The following ZNF644 variants were observed in gnomAD, a reference collection of about 807,000 sequenced individuals.
The protein encoded by ZNF644 is zinc finger motif enhancer binding protein 2.
ZNF644 carries 20 observed loss-of-function variants against 108.0 expected under a neutral mutation model. That is an observed-to-expected ratio of 0.19 (90% CI 0.13 to 0.27). The LOEUF (loss-of-function observed/expected upper bound fraction) is 0.27. Among genes scored for constraint, ZNF644 ranks in the 10% least tolerant of loss-of-function variants. The pLI is 1.00. For synonymous variants in ZNF644, 542 were observed against 539.1 expected (o/e 1.01, Z -0.08); for missense variants, 1,338 against 1,548.9 (o/e 0.86, Z 2.29).
chr1:90,982,295 C>G lies in ZNF644; in HGVS notation c.44+15G>C. On this transcript the variant is annotated intron_variant, in intron 2 of 5. Coordinates refer to ENST00000337393, the MANE Select transcript of ZNF644 (RefSeq NM_201269.3). Reference sequence around the variant, plus strand: ...ACCTTGATATGTACATTTAACAAAGCAGTCTTCTACTTACCTAGATTTTGT... The same window carrying G: ...ACCTTGATATGTACATTTAACAAAGGAGTCTTCTACTTACCTAGATTTTGT... 1 of 1,601,290 alleles carries G rather than the reference C, an allele frequency of 6.2e-7. No homozygotes were observed. Among genetic ancestry groups the G allele is most frequent in the Non-Finnish European group, 8.5e-7 (1 of 1,171,456 alleles).
At chr1:90,929,068 T>C (rs1227772817) in intron 4 of ZNF644, among the ~76,000 whole-genome samples, 1 of 152,220 alleles carries the variant, frequency 6.6e-6, no homozygotes, top group Non-Finnish European at 1.5e-5. Context: ...TGTTGTTCTC[T>C]TGCATTTAAA....
chr1:90,940,197 G>A lies in ZNF644; in HGVS notation c.1157C>T (p.Thr386Ile). ...ACTCTCTTCACATTTCTTTTTTAAG[G>A]TATTTGAAAGAAAAGTGCTAGTATG... ...PVHTSTFLSNTLKKKCEESDS... is the reference protein window; with the variant it reads ...PVHTSTFLSNILKKKCEESDS... Residue 386 changes from threonine (T) to isoleucine (I), a missense_variant, in exon 3 of 6, where the codon ACC becomes ATC. Thr to Ile is a moderately conservative substitution (Grantham distance 89). Around this residue, in one of 6 missense-constraint regions of ZNF644, gnomAD observed 464 missense variants for 457.9 expected, o/e 1.01. Coordinates refer to ENST00000337393, the MANE Select transcript of ZNF644 (RefSeq NM_201269.3). 3 of 1,613,906 alleles carry A rather than the reference G, an allele frequency of 1.9e-6. No homozygotes were observed. Among genetic ancestry groups the A allele is most frequent in the Non-Finnish European group, 2.5e-6 (3 of 1,179,930 alleles).
intron 4 of ZNF644, among the ~76,000 whole-genome samples, chr1:90,930,769 A>G (rs1023073354): frequency 1.3e-5 from 2 of 152,236 alleles, no homozygotes; most frequent in Admixed American, 6.5e-5. Context: ...CTCAATTAAA[A>G]TGCTGACTGC....
intron 2 of ZNF644, among the ~76,000 whole-genome samples, chr1:90,944,306 C>G (rs138467617): frequency 2.1e-4 from 32 of 152,176 alleles, no homozygotes; most frequent in Admixed American, 2.0e-3. Flanking sequence ...TTTATAAGAG[C>G]TTTTCATAAG....
intron 2 of ZNF644, among the ~76,000 whole-genome samples, chr1:90,981,656 T>C (rs1656564807): frequency 6.6e-6 from 1 of 152,052 alleles, no homozygotes; most frequent in South Asian, 2.1e-4. Context: ...TGTCAACGGC[T>C]TATATTATTA....
intron 4 of ZNF644, among the ~76,000 whole-genome samples, chr1:90,930,506 C>G (rs1650610103): frequency 6.6e-6 from 1 of 152,080 alleles, no homozygotes; most frequent in Non-Finnish European, 1.5e-5. Context: ...GTTATGACAT[C>G]TAAGATACTA....
intron 2 of ZNF644, among the ~76,000 whole-genome samples, chr1:90,950,058 G>C (rs1652924560): frequency 6.6e-6 from 1 of 151,398 alleles, no homozygotes; most frequent in Non-Finnish European, 1.5e-5. Flanking sequence ...TGGGCAGATT[G>C]CCTGAGCTCA....
intron 4 of ZNF644, among the ~76,000 whole-genome samples, chr1:90,928,122 C>T (rs542161082): frequency 6.6e-5 from 10 of 151,124 alleles, no homozygotes; most frequent in African/African-American, 2.4e-4. Context: ...CTTGGGATTA[C>T]AGGTGTTAGC....
At chr1:91,010,834 G>C (rs564653424) in intron 1 of ZNF644, among the ~76,000 whole-genome samples, 1 of 152,034 alleles carries the variant, frequency 6.6e-6, no homozygotes, top group Admixed American at 6.6e-5. Context: ...TTAAATAAAA[G>C]TTATGAAAAT....
At chr1:90,971,934 C>A (rs556448547) in intron 2 of ZNF644, among the ~76,000 whole-genome samples, 1 of 152,010 alleles carries the variant, frequency 6.6e-6, no homozygotes, top group Non-Finnish European at 1.5e-5. Flanking sequence ...TATATTATTC[C>A]GTTTGCATTT....
chr1:90,973,137 A>C (rs1416392456), intron 2 of ZNF644: 2 of 152,058 alleles, frequency 1.3e-5, no homozygotes, highest in Admixed American at 6.5e-5. Context: ...AAAAAAAAAA[A>C]CTAGAAAAAA....
intron 1 of ZNF644, among the ~76,000 whole-genome samples, chr1:90,985,690 T>G (rs967180504): frequency 1.3e-5 from 2 of 152,212 alleles, no homozygotes; most frequent in Non-Finnish European, 2.9e-5. Flanking sequence ...ACCACGTTTA[T>G]CCTTTCATCC....
chr1:90,967,892 TAC>T (rs1655083710), intron 2 of ZNF644, among the ~76,000 whole-genome samples: 1 of 53,850 alleles, frequency 1.9e-5, no homozygotes, highest in Non-Finnish European at 4.7e-5. Flanking sequence ...CTAAAAAAAA[TAC>T]AAAAAAAAAA....
intron 2 of ZNF644, among the ~76,000 whole-genome samples, chr1:90,959,423 C>A (rs957961243): frequency 2.6e-5 from 4 of 152,138 alleles, no homozygotes; most frequent in African/African-American, 9.7e-5. Flanking sequence ...AATGTAAACT[C>A]ATGTCCACAG....
At chr1:90,998,817 T>C (rs1658450957) in intron 1 of ZNF644, among the ~76,000 whole-genome samples, 1 of 152,040 alleles carries the variant, frequency 6.6e-6, no homozygotes, top group Non-Finnish European at 1.5e-5. Flanking sequence ...ACTAGACAAA[T>C]GGCTAACAGA....
intron 1 of ZNF644, among the ~76,000 whole-genome samples, chr1:91,007,242 T>A (rs1347032080): frequency 7.2e-6 from 1 of 139,656 alleles, no homozygotes; most frequent in Admixed American, 7.2e-5. Context: ...TTTTTTTTTT[T>A]TTTTTTTTTT....
intron 2 of ZNF644, among the ~76,000 whole-genome samples, chr1:90,963,640 T>G (rs1157463724): frequency 6.6e-6 from 1 of 152,118 alleles, no homozygotes; most frequent in Non-Finnish European, 1.5e-5. Context: ...TTTCTAACTC[T>G]CAAACATAAT....
rs752763891 is a variant in ZNF644 at position 90,939,540 on chromosome 1, G to A, written c.1814C>T (p.Thr605Met). The stretch of plus-strand genomic sequence containing the variant: ...ACATGATGATGAATGCAAGTACTCC[G>A]TGTGCTTTTTTAAAACACTTTTGGC... Reference protein sequence around the residue: ...TSAKSVLKKHTEYLHSSSCVD... With the variant: ...TSAKSVLKKHMEYLHSSSCVD... The change falls in exon 3 of 6, where the codon ACG (threonine) becomes ATG (methionine). Residue 605 changes from threonine (T) to methionine (M), a missense_variant. Thr to Met is a moderately conservative substitution (Grantham distance 81). Around this residue, in one of 6 missense-constraint regions of ZNF644, gnomAD observed 462 missense variants for 472.6 expected, o/e 0.98. Transcript: ENST00000337393. The A allele has an allele frequency of 3.7e-5, 60 of 1,613,802 alleles. No individual in the cohort carries two copies. The highest frequency in any genetic ancestry group is 1.6e-4 in the East Asian group (7 of 44,882).
chr1:90,925,488 C>T (rs1649927664), intron 4 of ZNF644, among the ~76,000 whole-genome samples: 1 of 151,738 alleles, frequency 6.6e-6, no homozygotes, highest in Non-Finnish European at 1.5e-5. Flanking sequence ...AACTCTATAC[C>T]TAATGATATT....
Sources: allele counts gnomAD v4.1 joint callset (sites outside exome capture counted in the v4.1 genomes callset), GRCh38; gene constraint gnomAD v4.1.1; regional missense constraint gnomAD v4.1.1; transcripts MANE v1.5; gene names NCBI Gene and HGNC (gene_info 2026-07-23, HGNC 2026-07-21).